Variants in GALNT2 observed in about 807,000 individuals in gnomAD.
GALNT2 encodes the protein UDP-GalNAc:polypeptide N-acetylgalactosaminyltransferase 2.
Under a neutral mutation model 81.4 loss-of-function variants are expected in GALNT2, and 31 were observed. The ratio of observed to expected loss-of-function variants is 0.38; its 90% CI spans 0.29 to 0.51. GALNT2 has a LOEUF of 0.51. Ranked by LOEUF, GALNT2 falls within the 20% of genes least tolerant of loss-of-function variation. The probability of loss-of-function intolerance (pLI) is 0.87; values close to 1 mark genes in which losing one functional copy is unlikely to be tolerated. For missense variants in GALNT2, 629 were observed against 765.7 expected, an observed-to-expected ratio of 0.82 and a Z score of 2.11; for synonymous variants, 303 against 287.4, an observed-to-expected ratio of 1.05 and a Z score of -0.55.
intron 1 of GALNT2, among the ~76,000 whole-genome samples, chr1:230,092,516 G>A (rs1660122916): frequency 6.6e-6 from 1 of 151,840 alleles, no homozygotes; most frequent in Non-Finnish European, 1.5e-5. Context: ...GCTAGTTTTT[G>A]TATTTTTAGT....
intron 3 of GALNT2, among the ~76,000 whole-genome samples, chr1:230,205,593 T>G (rs1011319166): frequency 1.3e-5 from 2 of 152,136 alleles, no homozygotes; most frequent in African/African-American, 4.8e-5. Flanking sequence ...GTATCTAAAA[T>G]AAGGGGTGAC....
rs1666233716 is a variant in GALNT2, at chr1:230,274,523, C to T, written c.1519C>T (p.Leu507Phe). The change falls in exon 15 of 16, where the codon CTT (leucine) becomes TTT (phenylalanine). Residue 507 changes from leucine (L) to phenylalanine (F), a missense_variant. By Grantham distance (22) the Leu-to-Phe change is conservative (BLOSUM62 0). Around this residue, in one of 3 missense-constraint regions of GALNT2, gnomAD observed 207 missense variants for 225.5 expected, o/e 0.92. Transcript: ENST00000366672. ...TGTGGTGGACCGGGCACCGGGCTCT[C>T]TTATAAAGCTGCAGGGCTGCCGAGA... is the stretch of plus-strand genomic sequence containing the variant. Reference protein sequence around the residue: ...LTVVDRAPGSLIKLQGCREND... With the variant: ...LTVVDRAPGSFIKLQGCREND... 6.2e-7 allele frequency: 1 copy of T among 1,614,050 alleles called. No individual in the cohort carries two copies. Among genetic ancestry groups the T allele is most frequent in the Non-Finnish European group, 8.5e-7 (1 of 1,179,930 alleles).
chr1:230,169,711 C>T (rs1389873832), intron 1 of GALNT2, among the ~76,000 whole-genome samples: 1 of 152,160 alleles, frequency 6.6e-6, no homozygotes, highest in Non-Finnish European at 1.5e-5. Flanking sequence ...GTTGAGCAGC[C>T]CCACGTTATT....
At chr1:230,153,215 C>T (rs1385476072) in intron 1 of GALNT2, among the ~76,000 whole-genome samples, 1 of 152,172 alleles carries the variant, frequency 6.6e-6, no homozygotes. Flanking sequence ...AGGCCTGAGC[C>T]ACTGCCCCTG....
chr1:230,258,433 C>A (rs1665781679), intron 11 of GALNT2, among the ~76,000 whole-genome samples: 2 of 151,562 alleles, frequency 1.3e-5, no homozygotes, highest in Middle Eastern at 3.2e-3. Context: ...CCATGTTGGC[C>A]AAACTGGTCT....
Position 230,107,610 on chromosome 1 carries a change from T to TTGTGTGTGTGTGTGTGTGTG in GALNT2, c.126+40219_126+40238dup, listed in dbSNP as rs3033608. Among the ~76,000 whole-genome samples the TTGTGTGTGTGTGTGTGTGTG allele has an allele frequency of 3.4e-3, 473 of 141,152 alleles. 2 individuals are homozygous for TTGTGTGTGTGTGTGTGTGTG. Among genetic ancestry groups the TTGTGTGTGTGTGTGTGTGTG allele is most frequent in the South Asian group, 6.1e-3 (25 of 4,076 alleles). The allele number at this position is 141,152 out of a possible 152,430, so 92.6% of individuals were successfully genotyped here. Reference sequence around the variant, plus strand: ...AAATTCTCATTTCTTCTCATGGACTTTGTGTGTGTGTGTGTGTGTGTGTGT... The same window carrying TTGTGTGTGTGTGTGTGTGTG: ...AAATTCTCATTTCTTCTCATGGACTTTGTGTGTGTGTGTGTGTGTGTGTGTGTGTGTGTGTGTGTGTGTGT... On this transcript the variant is annotated intron_variant, in intron 1 of 15. Transcript: ENST00000366672.
intron 1 of GALNT2, among the ~76,000 whole-genome samples, chr1:230,142,583 A>G (rs1017295622): frequency 1.3e-5 from 2 of 152,206 alleles, no homozygotes; most frequent in Non-Finnish European, 1.5e-5. Context: ...TAATATAATT[A>G]AATATACCTA....
At chr1:230,067,219 C>G (rs971905739), upstream of GALNT2, 339 of 1,105,714 alleles carry the variant, frequency 3.1e-4, no homozygotes, top group Middle Eastern at 7.1e-4. Flanking sequence ...CCACCGCGCC[C>G]GCGGCCGGCC....
At chr1:230,222,907 G>T (rs1664593669) in intron 3 of GALNT2, among the ~76,000 whole-genome samples, 1 of 152,240 alleles carries the variant, frequency 6.6e-6, no homozygotes, top group Non-Finnish European at 1.5e-5. Context: ...ACAACAGCCT[G>T]CCCCCAGAGG....
intron 1 of GALNT2, among the ~76,000 whole-genome samples, chr1:230,166,207 C>G (rs1662596927): frequency 6.6e-6 from 1 of 151,996 alleles, no homozygotes; most frequent in South Asian, 2.1e-4. Flanking sequence ...CAGCTAATAG[C>G]TGCTGAACCT....
intron 1 of GALNT2, among the ~76,000 whole-genome samples, chr1:230,161,710 A>G (rs1018546418): frequency 1.3e-5 from 2 of 152,136 alleles, no homozygotes; most frequent in Admixed American, 1.3e-4. Flanking sequence ...CCATTTCTTC[A>G]TCTGTGAAAT....
In GALNT2 at chr1:230,067,269, C is replaced by A. The variant is rs779679053; in HGVS notation, c.-12C>A. 11 of 1,313,636 alleles carry A rather than the reference C, an allele frequency of 8.4e-6. No individual in the cohort carries two copies. The Admixed American group carries it at 2.0e-4, about 24-fold the overall frequency. The allele number at this position is 1,313,636 out of a possible 1,614,324, so 81.4% of individuals were successfully genotyped here. The stretch of plus-strand genomic sequence containing the variant: ...GAGCAGCGGCGGCCCCGCCGGCGGC[C>A]GAGTTGGGAGAATGCGGCGGCGCTC... On this transcript the variant is annotated 5_prime_UTR_variant, in exon 1 of 16. Coordinates refer to ENST00000366672, the MANE Select transcript of GALNT2 (RefSeq NM_004481.5).
At chr1:230,146,175 G>T (rs1661909238) in intron 1 of GALNT2, among the ~76,000 whole-genome samples, 1 of 152,216 alleles carries the variant, frequency 6.6e-6, no homozygotes, top group East Asian at 1.9e-4. Flanking sequence ...TTTGGAGTTG[G>T]ATGTGAGAAA....
intron 1 of GALNT2, among the ~76,000 whole-genome samples, chr1:230,075,747 G>A (rs58327669): frequency 0.03 from 4,585 of 152,246 alleles, 173 homozygotes; most frequent in African/African-American, 0.088. Context: ...GAAAGGTGCT[G>A]TGTGCTGTGG....
rs559980426 is a variant in GALNT2 at position 230,196,718 on chromosome 1, C to T, written c.221-6419C>T. 4.6e-5 allele frequency among the ~76,000 whole-genome samples: 7 copies of T among 152,288 alleles called. No individual in the cohort carries two copies. The South Asian group carries it at 1.5e-3, about 32-fold the overall frequency. On this transcript the variant is annotated intron_variant, in intron 2 of 15. Transcript: ENST00000366672. ...AGGCAGGCCCCGCTTCTCCTCATCC[C>T]ATCCCCACTGAGCAGGAGAAGTTCC...
chr1:230,079,596 T>C (rs1304929660), intron 1 of GALNT2, among the ~76,000 whole-genome samples: 3 of 152,258 alleles, frequency 2.0e-5, no homozygotes, highest in Non-Finnish European at 4.4e-5. Context: ...GGTTTCCCTC[T>C]TGCTGACGCA....
Position 230,265,226 on chromosome 1 carries a change from C to T in GALNT2, c.1314-15C>T, listed in dbSNP as rs376572946. Reference sequence around the variant, plus strand: ...CATGTGCAGTGAAGCAGGTGATTCTCACGTTGTTTTTCAGGGTTCCAGACC... The same window carrying T: ...CATGTGCAGTGAAGCAGGTGATTCTTACGTTGTTTTTCAGGGTTCCAGACC... On this transcript the variant is annotated splice_polypyrimidine_tract_variant and intron_variant, in intron 13 of 15. Transcript: ENST00000366672. 8 of 1,614,002 alleles carry T rather than the reference C, an allele frequency of 5.0e-6. No homozygotes were observed. Among genetic ancestry groups the T allele is most frequent in the South Asian group, 2.2e-5 (2 of 91,074 alleles).
intron 1 of GALNT2, among the ~76,000 whole-genome samples, chr1:230,067,635 C>T (rs942071960): frequency 1.3e-5 from 2 of 152,094 alleles, no homozygotes; most frequent in Admixed American, 6.5e-5. Context: ...TCTCTGCCCC[C>T]TCTCGTGGAC....
intron 6 of GALNT2, among the ~76,000 whole-genome samples, chr1:230,239,106 G>A (rs1665119267): frequency 6.6e-6 from 1 of 152,044 alleles, no homozygotes; most frequent in African/African-American, 2.4e-5. Flanking sequence ...TTGGCTCAAA[G>A]TTGCTTATGA....
Sources: gnomAD v4.1 joint callset for allele counts (sites outside exome capture counted in the v4.1 genomes callset) on GRCh38, gnomAD v4.1.1 for gene constraint, gnomAD v4.1.1 regional missense constraint, MANE v1.5 for transcripts, NCBI Gene and HGNC (gene_info 2026-07-23, HGNC 2026-07-21) for gene names.